The following MDGA2 variants were observed in gnomAD, a reference collection of about 807,000 sequenced individuals.
MDGA2 encodes MAM domain containing glycosylphosphatidylinositol anchor 2, also known as MAM domain-containing glycosylphosphatidylinositol anchor protein 2.
Under a neutral mutation model 117.8 loss-of-function variants are expected in MDGA2, and 40 were observed. That is an observed-to-expected ratio of 0.34 (90% confidence interval 0.26 to 0.44). The LOEUF is 0.44. Ranked by LOEUF, MDGA2 falls within the 20% of genes least tolerant of loss-of-function variation. The pLI, the probability that MDGA2 is intolerant of heterozygous loss-of-function variation, is 1.00. For synonymous variants in MDGA2, 452 were observed against 439.0 expected (o/e 1.03, Z -0.37); for missense variants, 1,123 against 1,250.6 (o/e 0.90, Z 1.54).
intron 1 of MDGA2, among the ~76,000 whole-genome samples, chr14:47,643,747 C>T (rs1897472486): frequency 6.6e-6 from 1 of 152,006 alleles, no homozygotes; most frequent in Non-Finnish European, 1.5e-5. Flanking sequence ...AATGTTTTTA[C>T]TTTTTCATTT....
intron 1 of MDGA2, among the ~76,000 whole-genome samples, chr14:47,576,734 T>C (rs1464196500): frequency 1.3e-5 from 2 of 152,168 alleles, no homozygotes; most frequent in African/African-American, 2.4e-5. Context: ...AAATCTAAGA[T>C]ATATTTTCTA....
intron 10 of MDGA2, among the ~76,000 whole-genome samples, chr14:46,911,625 T>C (rs573094161): frequency 2.0e-5 from 3 of 152,244 alleles, no homozygotes; most frequent in East Asian, 3.9e-4. Context: ...AGAATGATGA[T>C]TGATTCAAAA....
chr14:47,089,924 T>C (rs771275749), intron 6 of MDGA2, among the ~76,000 whole-genome samples: 11 of 152,136 alleles, frequency 7.2e-5, no homozygotes, highest in South Asian at 2.1e-4. Context: ...TTAATGCATA[T>C]AGCATTACTG....
At chr14:47,487,157 C>T (rs148205318) in intron 1 of MDGA2, among the ~76,000 whole-genome samples, 4 of 152,118 alleles carry the variant, frequency 2.6e-5, no homozygotes, top group Admixed American at 2.0e-4. Flanking sequence ...ATCACAGGAC[C>T]CGTTCAAAAC....
chr14:47,343,022 T>G, intron 1 of MDGA2: 2 of 1,259,756 alleles, frequency 1.6e-6, no homozygotes, highest in Non-Finnish European at 2.1e-6. Flanking sequence ...AGCCACAGAG[T>G]GGGAGAAGCA....
intron 8 of MDGA2, among the ~76,000 whole-genome samples, chr14:46,973,172 C>A (rs1886333635): frequency 1.3e-5 from 2 of 152,092 alleles, no homozygotes; most frequent in South Asian, 4.1e-4. Context: ...GGTGGAAATG[C>A]AAAATGGCAC....
At position 47,375,347 on chromosome 14, in the gene MDGA2, C is replaced by T. The variant is rs984235101; in HGVS notation, c.281-73797G>A. ...CTTTATCTTCCTAAAACCCACTTAACGTCTTCACTCCTTAAAAATCTTCAA... is the reference window on the plus strand; with the variant it reads ...CTTTATCTTCCTAAAACCCACTTAATGTCTTCACTCCTTAAAAATCTTCAA... On this transcript the variant is annotated intron_variant, in intron 1 of 16. Coordinates refer to ENST00000399232, the MANE Select transcript of MDGA2 (RefSeq NM_001113498.3). Among the ~76,000 whole-genome samples the T allele has an allele frequency of 2.6e-5, 4 of 151,958 alleles. 1 individual carries two copies. The highest frequency in any genetic ancestry group is 4.1e-4 in the South Asian group (2 of 4,830).
intron 1 of MDGA2, among the ~76,000 whole-genome samples, chr14:47,661,788 G>C (rs1352879136): frequency 1.0e-5 from 1 of 95,370 alleles, no homozygotes; most frequent in South Asian, 3.7e-4. Context: ...TTTCGCTCTT[G>C]TTGCCCAGGA....
chr14:47,154,491 C>A (rs143639133), intron 3 of MDGA2, among the ~76,000 whole-genome samples: 1 of 152,208 alleles, frequency 6.6e-6, no homozygotes, highest in East Asian at 1.9e-4. Context: ...CCGGACATCC[C>A]TGTGCTCTTG....
chr14:47,192,502 C>A (rs542005728), intron 3 of MDGA2, among the ~76,000 whole-genome samples: 1 of 151,940 alleles, frequency 6.6e-6, no homozygotes, highest in Non-Finnish European at 1.5e-5. Context: ...GTAGTCCCAG[C>A]TACTTGGGAG....
At chr14:47,068,976 C>T (rs1240474745) in intron 6 of MDGA2, among the ~76,000 whole-genome samples, 1 of 152,166 alleles carries the variant, frequency 6.6e-6, no homozygotes, top group Non-Finnish European at 1.5e-5. Flanking sequence ...TGAGGTCCTA[C>T]ATCCAGTTGG....
intron 10 of MDGA2, among the ~76,000 whole-genome samples, chr14:46,917,618 TC>T (rs1396438460): frequency 6.6e-6 from 1 of 152,078 alleles, no homozygotes; most frequent in Non-Finnish European, 1.5e-5. Flanking sequence ...ACATATGGAA[TC>T]ATATATAATT....
rs1023859588 is a variant in MDGA2 at position 47,613,479 on chromosome 14, T to TCTCACACACACACACA, written c.280+61037_280+61038insTGTGTGTGTGTGTGAG. On this transcript the variant is annotated intron_variant, in intron 1 of 16. Coordinates refer to ENST00000399232, the MANE Select transcript of MDGA2 (RefSeq NM_001113498.3). ...ATTTATCTCTCTCTCTCTCTCTCTC[T>TCTCACACACACACACA]CACACACACACACACACACACACAC... 3.8e-3 allele frequency among the ~76,000 whole-genome samples: 543 copies of TCTCACACACACACACA among 141,134 alleles called. 4 individuals are homozygous for TCTCACACACACACACA. Among genetic ancestry groups the TCTCACACACACACACA allele is most frequent in the African/African-American group, 0.014 (500 of 36,778 alleles). The allele number at this position is 141,134 out of a possible 152,430, so 92.6% of individuals were successfully genotyped here.
At chr14:47,591,040 G>C (rs1213823288) in intron 1 of MDGA2, among the ~76,000 whole-genome samples, 1 of 151,932 alleles carries the variant, frequency 6.6e-6, no homozygotes, top group Non-Finnish European at 1.5e-5. Flanking sequence ...GAACAGGACA[G>C]GACATTTCAC....
chr14:47,457,525 TAGAG>T (rs959780156), intron 1 of MDGA2, among the ~76,000 whole-genome samples: 3 of 152,126 alleles, frequency 2.0e-5, no homozygotes, highest in African/African-American at 4.8e-5. Context: ...CAAAAATGTT[TAGAG>T]AGAGAGGAGA....
chr14:46,954,758 C>T (rs1885499015), intron 9 of MDGA2, among the ~76,000 whole-genome samples: 4 of 151,972 alleles, frequency 2.6e-5, no homozygotes, highest in Admixed American at 2.6e-4. Context: ...CCACAGGTTC[C>T]AGGGATTAGA....
intron 1 of MDGA2, among the ~76,000 whole-genome samples, chr14:47,422,231 G>C (rs2138509200): frequency 6.6e-6 from 1 of 152,190 alleles, no homozygotes; most frequent in East Asian, 1.9e-4. Context: ...ACTCTCCATA[G>C]ACTAAAAAGG....
intron 3 of MDGA2, among the ~76,000 whole-genome samples, chr14:47,178,339 C>A (rs191474269): frequency 2.0e-5 from 3 of 152,194 alleles, no homozygotes; most frequent in African/African-American, 7.2e-5. Context: ...TCTACTCGGT[C>A]GAGGGCCACA....
At chr14:47,475,366 C>T (rs1410036691) in intron 1 of MDGA2, among the ~76,000 whole-genome samples, 1 of 152,128 alleles carries the variant, frequency 6.6e-6, no homozygotes, top group Non-Finnish European at 1.5e-5. Context: ...ACACTTTTAA[C>T]ACTGTTGGTG....
Sources: allele counts gnomAD v4.1 joint callset (sites outside exome capture counted in the v4.1 genomes callset), GRCh38; gene constraint gnomAD v4.1.1; transcripts MANE v1.5; gene names NCBI Gene and HGNC (gene_info 2026-07-23, HGNC 2026-07-21).